Variants in HS6ST3 observed in about 807,000 individuals in gnomAD.
The protein encoded by HS6ST3 is heparan-sulfate 6-O-sulfotransferase 3.
A neutral mutation model predicts 36.7 loss-of-function variants in HS6ST3; 12 were observed. The ratio of observed to expected loss-of-function variants is 0.33; its 90% confidence interval spans 0.21 to 0.53. The LOEUF (loss-of-function observed/expected upper bound fraction) is 0.53. HS6ST3 is among the 20% of genes least tolerant of loss of function. The pLI is 0.95. For synonymous variants in HS6ST3, 240 were observed against 257.5 expected (o/e 0.93, Z 0.65); for missense variants, 584 against 640.9 (o/e 0.91, Z 0.96).
intron 1 of HS6ST3, among the ~76,000 whole-genome samples, chr13:96,550,026 T>C (rs1276360909): frequency 6.6e-6 from 1 of 152,234 alleles, no homozygotes; most frequent in Admixed American, 6.5e-5. Context: ...TTTAAAAGCA[T>C]CACATAGTAA....
rs1309729074 is a variant in HS6ST3, at chr13:96,090,365, C to T, written c.-498C>T. ...GCGTGCCGGGCGCGGTGCCCGCGGC[C>T]GGCCGGGGCGGCGGGAGCGGGCCGC... On this transcript the variant is annotated 5_prime_UTR_variant, in exon 1 of 2. Coordinates refer to ENST00000376705, the MANE Select transcript of HS6ST3 (RefSeq NM_153456.4). Among the ~76,000 whole-genome samples, 1 of 146,260 alleles carries T rather than the reference C, an allele frequency of 6.8e-6. No individual in the cohort carries two copies. Among genetic ancestry groups the T allele is most frequent in the African/African-American group, 2.4e-5 (1 of 40,836 alleles).
chr13:96,127,760 C>T (rs1008016799), intron 1 of HS6ST3, among the ~76,000 whole-genome samples: 25 of 152,178 alleles, frequency 1.6e-4, no homozygotes, highest in African/African-American at 5.8e-4. Flanking sequence ...AGGTACGGTA[C>T]TTGCAGGATC....
intron 1 of HS6ST3, among the ~76,000 whole-genome samples, chr13:96,195,084 G>C (rs1175393953): frequency 6.6e-6 from 1 of 152,174 alleles, no homozygotes; most frequent in South Asian, 2.1e-4. Flanking sequence ...AGAGCAATAT[G>C]TTGGGGGGAA....
At chr13:96,799,014 C>G (rs1483337835) in intron 1 of HS6ST3, among the ~76,000 whole-genome samples, 1 of 152,036 alleles carries the variant, frequency 6.6e-6, no homozygotes, top group East Asian at 1.9e-4. Context: ...TAGATGAGAG[C>G]CCACCCTAAC....
At chr13:96,370,024 A>G (rs1430711415) in intron 1 of HS6ST3, among the ~76,000 whole-genome samples, 3 of 152,164 alleles carry the variant, frequency 2.0e-5, no homozygotes, top group Non-Finnish European at 4.4e-5. Flanking sequence ...GTTTCCTAAC[A>G]TAAAATAGGA....
At chr13:96,254,433 A>AG (rs2054623091) in intron 1 of HS6ST3, among the ~76,000 whole-genome samples, 1 of 58,430 alleles carries the variant, frequency 1.7e-5, no homozygotes, top group Non-Finnish European at 3.1e-5. Flanking sequence ...AAAAAAAAAA[A>AG]AAAAAAAAAA....
chr13:96,540,494 T>A (rs905657102), intron 1 of HS6ST3, among the ~76,000 whole-genome samples: 8 of 152,122 alleles, frequency 5.3e-5, no homozygotes, highest in African/African-American at 1.9e-4. Flanking sequence ...CAGAAAACAT[T>A]TAAGGATGTC....
intron 1 of HS6ST3, among the ~76,000 whole-genome samples, chr13:96,114,243 CT>C (rs2053883626): frequency 6.6e-6 from 1 of 152,044 alleles, no homozygotes; most frequent in African/African-American, 2.4e-5. Flanking sequence ...CCTCAAACTC[CT>C]GGGCCCAAGT....
intron 1 of HS6ST3, among the ~76,000 whole-genome samples, chr13:96,209,994 G>C (rs1279515816): frequency 6.6e-6 from 1 of 152,186 alleles, no homozygotes; most frequent in Non-Finnish European, 1.5e-5. Context: ...TGTGAGAACA[G>C]ATCTTCCTGG....
chr13:96,485,591 G>A (rs188034216), intron 1 of HS6ST3, among the ~76,000 whole-genome samples: 2 of 152,112 alleles, frequency 1.3e-5, no homozygotes, highest in African/African-American at 4.8e-5. Context: ...TACTGTATTA[G>A]CTAGTACTTC....
intron 1 of HS6ST3, among the ~76,000 whole-genome samples, chr13:96,575,605 C>A (rs1376069268): frequency 6.6e-6 from 1 of 152,254 alleles, no homozygotes. Flanking sequence ...TGTAATTTCA[C>A]AAGGCAGATC....
At chr13:96,508,411 G>C (rs183212209) in intron 1 of HS6ST3, among the ~76,000 whole-genome samples, 17 of 152,020 alleles carry the variant, frequency 1.1e-4, no homozygotes, top group Non-Finnish European at 1.8e-4. Context: ...GGGCACTACT[G>C]GTTTTTTGTT....
chr13:96,417,320 A>G (rs1304533675), intron 1 of HS6ST3, among the ~76,000 whole-genome samples: 1 of 152,112 alleles, frequency 6.6e-6, no homozygotes, highest in African/African-American at 2.4e-5. Flanking sequence ...TTACATTCTA[A>G]TGCAACACTC....
chr13:96,811,554 G>C (rs1402750532), intron 1 of HS6ST3, among the ~76,000 whole-genome samples: 2 of 152,144 alleles, frequency 1.3e-5, no homozygotes, highest in Non-Finnish European at 2.9e-5. Flanking sequence ...GTGTAAAAAG[G>C]CAGAATTATT....
intron 1 of HS6ST3, among the ~76,000 whole-genome samples, chr13:96,266,219 G>A (rs565001911): frequency 3.1e-4 from 47 of 152,252 alleles, no homozygotes; most frequent in Admixed American, 8.5e-4. Flanking sequence ...TTCACTGGGC[G>A]CCTCAGATCA....
intron 1 of HS6ST3, among the ~76,000 whole-genome samples, chr13:96,697,380 T>C (rs992857879): frequency 6.6e-6 from 1 of 151,932 alleles, no homozygotes; most frequent in Admixed American, 6.6e-5. Context: ...CTCTAACATA[T>C]GGCAAGTAAA....
chr13:96,127,191 G>A (rs683687), intron 1 of HS6ST3, among the ~76,000 whole-genome samples: 5,929 of 152,264 alleles, frequency 0.039, 192 homozygotes, highest in Non-Finnish European at 0.061. Flanking sequence ...ATATGCTAAT[G>A]TTGGCTACTA....
At chr13:96,494,079 G>C (rs2055960278) in intron 1 of HS6ST3, among the ~76,000 whole-genome samples, 1 of 152,082 alleles carries the variant, frequency 6.6e-6, no homozygotes, top group Non-Finnish European at 1.5e-5. Flanking sequence ...TACAATTACA[G>C]ATGCGTAGAA....
intron 1 of HS6ST3, among the ~76,000 whole-genome samples, chr13:96,364,371 A>G (rs564137232): frequency 8.6e-4 from 131 of 152,340 alleles, no homozygotes; most frequent in Admixed American, 2.0e-3. Flanking sequence ...GCATGAATGG[A>G]TAGAGAAAGT....
Sources: allele counts gnomAD v4.1 joint callset (sites outside exome capture counted in the v4.1 genomes callset), GRCh38; gene constraint gnomAD v4.1.1; transcripts MANE v1.5; gene names NCBI Gene and HGNC (gene_info 2026-07-23, HGNC 2026-07-21).